EHMT1: variants seen among roughly 807,000 people sequenced by gnomAD.
EHMT1 encodes the protein histone-lysine N-methyltransferase EHMT1.
A neutral mutation model predicts 147.2 loss-of-function variants in EHMT1; 15 were observed. The observed-to-expected ratio is 0.10, with a 90% CI of 0.07 to 0.16. EHMT1 has a LOEUF of 0.16. EHMT1 is among the 10% of genes least tolerant of loss of function. The pLI, the probability that EHMT1 is intolerant of heterozygous loss-of-function variation, is 1.00. For missense variants in EHMT1, 1,587 were observed against 1,772.4 expected (o/e 0.90, Z 1.88); for synonymous variants, 795 against 709.6 (o/e 1.12, Z -1.91).
chr9:137,803,150 T>C, intron 18 of EHMT1: 13 of 1,225,696 alleles, frequency 1.1e-5, no homozygotes, highest in Non-Finnish European at 1.3e-5. Context: ...CTGGTGGCTG[T>C]TCCCCCAGAA....
intron 15 of EHMT1, chr9:137,788,335 C>T (rs1261677599): frequency 1.6e-5 from 6 of 376,946 alleles, no homozygotes; most frequent in East Asian, 1.2e-4. Context: ...GGGCCCAGGA[C>T]GTTGGCGAAG....
intron 1 of EHMT1, among the ~76,000 whole-genome samples, chr9:137,636,514 T>A (rs1019829313): frequency 5.9e-5 from 9 of 152,200 alleles, no homozygotes; most frequent in African/African-American, 2.2e-4. Context: ...CCATTAGGTA[T>A]GATATTAGCT....
intron 15 of EHMT1, among the ~76,000 whole-genome samples, chr9:137,790,529 C>T (rs764180827): frequency 5.3e-5 from 8 of 152,148 alleles, no homozygotes; most frequent in Non-Finnish European, 1.2e-4. Flanking sequence ...CCTCCCTCCC[C>T]CTTCTTTGTC....
At chr9:137,701,086 A>T (rs1276972646) in intron 1 of EHMT1, among the ~76,000 whole-genome samples, 1 of 152,114 alleles carries the variant, frequency 6.6e-6, no homozygotes, top group Non-Finnish European at 1.5e-5. Context: ...ACCAGGTCTC[A>T]TGAGAACTCA....
chr9:137,632,815 G>A (rs1379085407), intron 1 of EHMT1, among the ~76,000 whole-genome samples: 1 of 152,200 alleles, frequency 6.6e-6, no homozygotes, highest in African/African-American at 2.4e-5. Flanking sequence ...AGCATCACAC[G>A]GGGCAGGTTG....
chr9:137,755,875 T>A (rs1012785784), intron 8 of EHMT1, among the ~76,000 whole-genome samples: 1 of 152,254 alleles, frequency 6.6e-6, no homozygotes, highest in Non-Finnish European at 1.5e-5. Context: ...TCACATCTTT[T>A]GCTCACTTTT....
At position 137,711,176 on chromosome 9, in the gene EHMT1, C is replaced by G. The variant is rs1944682557; in HGVS notation, c.85+146C>G. 5.2e-6 allele frequency: 4 copies of G among 772,040 alleles called. No homozygotes were observed. In the East Asian group the frequency reaches 8.6e-5, roughly 17 times the overall value. 47.8% of individuals were successfully genotyped at this position (772,040 alleles called of 1,614,324 possible). On this transcript the variant is annotated intron_variant, in intron 2 of 26. Transcript: ENST00000460843. ...GTATAGTTTCTAATCTATCCCATTC[C>G]TAAATAGCACAGTTGCACAGACAAA...
chr9:137,657,107 G>A (rs1233788063), intron 1 of EHMT1, among the ~76,000 whole-genome samples: 2 of 152,186 alleles, frequency 1.3e-5, no homozygotes, highest in African/African-American at 2.4e-5. Flanking sequence ...GGTCTGGGGG[G>A]TGTAGCAGTG....
intron 8 of EHMT1, among the ~76,000 whole-genome samples, chr9:137,757,630 G>A (rs1949476884): frequency 6.6e-6 from 1 of 152,162 alleles, no homozygotes; most frequent in Non-Finnish European, 1.5e-5. Flanking sequence ...CTTTGTTTTT[G>A]TCTATACAGC....
chr9:137,803,113 G>A, intron 18 of EHMT1: 2 of 1,229,362 alleles, frequency 1.6e-6, no homozygotes, highest in Non-Finnish European at 2.0e-6. Flanking sequence ...AGCCTGTCCA[G>A]GTGTCAGAGC....
rs1369403778 is a variant in EHMT1, at chr9:137,782,703, C to T, written c.2382+306C>T. 1.3e-5 allele frequency among the ~76,000 whole-genome samples: 2 copies of T among 152,214 alleles called. No homozygotes were observed. The highest frequency in any genetic ancestry group is 2.1e-4 in the South Asian group (1 of 4,832). ...CGTCCCTCTGGGGGAGCCAAGCACTCGCAGAGGCACGGACGCCCCTCCCCC... is the reference window on the plus strand; with the variant it reads ...CGTCCCTCTGGGGGAGCCAAGCACTTGCAGAGGCACGGACGCCCCTCCCCC... On this transcript the variant is annotated intron_variant, in intron 15 of 26. Coordinates refer to ENST00000460843, the MANE Select transcript of EHMT1 (RefSeq NM_024757.5). This position sits in a 1 kb window ranked among gnomAD's most constrained non-coding sequence, Gnocchi z 5.7.
chr9:137,648,531 G>T (rs1845075330), intron 1 of EHMT1, among the ~76,000 whole-genome samples: 1 of 150,802 alleles, frequency 6.6e-6, no homozygotes, highest in African/African-American at 2.5e-5. Context: ...GGTGCCTCAT[G>T]CCTGTGGTCC....
At chr9:137,662,004 G>A (rs1939136740) in intron 1 of EHMT1, among the ~76,000 whole-genome samples, 2 of 151,980 alleles carry the variant, frequency 1.3e-5, no homozygotes, top group South Asian at 4.2e-4. Context: ...GTTTCACCAT[G>A]TTGGTCAGGC....
chr9:137,814,070 CCG>C lies in EHMT1; in HGVS notation c.3181-359_3181-358del, dbSNP rs869266269. On this transcript the variant is annotated intron_variant, in intron 21 of 26. Transcript: ENST00000460843. ...GCACTGCCCAGGCCCCCCCCCCCCC[CCG>C]CCCCCCGCCCCACAAGGTGTGTCAG... Among the ~76,000 whole-genome samples the C allele has an allele frequency of 4.3e-5, 4 of 93,518 alleles. 1 individual carries two copies. Among genetic ancestry groups the C allele is most frequent in the East Asian group, 3.2e-4 (1 of 3,084 alleles). 61.4% of individuals were successfully genotyped at this position (93,518 alleles called of 152,430 possible).
intron 25 of EHMT1, among the ~76,000 whole-genome samples, chr9:137,829,703 C>T (rs556733863): frequency 2.0e-5 from 3 of 152,370 alleles, no homozygotes; most frequent in South Asian, 4.1e-4. Context: ...GACTGGCCAA[C>T]GGCCTGAGAA....
chr9:137,626,730 C>T lies in EHMT1; in HGVS notation c.21+7681C>T, dbSNP rs1311831636. ...TGCTGGGGGCTTGTTTATTTGTTGCCTTCACTGTAGGGTGATGGTTGGCTG... is the reference window on the plus strand; with the variant it reads ...TGCTGGGGGCTTGTTTATTTGTTGCTTTCACTGTAGGGTGATGGTTGGCTG... On this transcript the variant is annotated intron_variant, in intron 1 of 26. Transcript: ENST00000460843. Among the ~76,000 whole-genome samples the T allele has an allele frequency of 2.6e-5, 4 of 151,556 alleles. 1 individual carries two copies. The highest frequency in any genetic ancestry group is 5.9e-5 in the Non-Finnish European group (4 of 67,946).
intron 16 of EHMT1, among the ~76,000 whole-genome samples, chr9:137,796,703 C>A (rs201469890): frequency 1.2e-3 from 104 of 85,798 alleles, no homozygotes; most frequent in Middle Eastern, 7.6e-3. Flanking sequence ...GACTCCATCT[C>A]AAAAAAAAAA....
intron 1 of EHMT1, among the ~76,000 whole-genome samples, chr9:137,668,774 A>T (rs1294279107): frequency 6.6e-6 from 1 of 151,756 alleles, no homozygotes; most frequent in East Asian, 1.9e-4. Flanking sequence ...TGCCATGAAC[A>T]TTCATGTACG....
At chr9:137,715,619 A>C (rs1945140649) in intron 2 of EHMT1, 2 of 985,444 alleles carry the variant, frequency 2.0e-6, no homozygotes, top group Non-Finnish European at 2.4e-6. Context: ...TTCCTGCCTC[A>C]GCCTGTCCTG....
Sources: gnomAD v4.1 joint callset for allele counts (sites outside exome capture counted in the v4.1 genomes callset) on GRCh38, gnomAD v4.1.1 for gene constraint, Gnocchi (gnomAD v3.1) non-coding constraint, MANE v1.5 for transcripts, NCBI Gene and HGNC (gene_info 2026-07-23, HGNC 2026-07-21) for gene names.